The following ARCN1 variants were observed in gnomAD, a reference collection of about 807,000 sequenced individuals.
The protein encoded by ARCN1 is archain 1 coat protein complex I subunit delta.
In ARCN1, 5 loss-of-function variants were observed where a neutral mutation model predicts 60.4. The ratio of observed to expected loss-of-function variants is 0.08; its 90% CI spans 0.04 to 0.17. The LOEUF (loss-of-function observed/expected upper bound fraction) is 0.17. Among genes scored for constraint, ARCN1 ranks in the 10% least tolerant of loss-of-function variants. The pLI is 1.00. For synonymous variants in ARCN1, 224 were observed against 220.0 expected (o/e 1.02, Z -0.16); for missense variants, 464 against 626.5 (o/e 0.74, Z 2.77).
At chr11:118,584,733 TTCTC>T in intron 5 of ARCN1, 89 bp downstream of exon 5, 1 of 1,162,278 alleles carries the variant, frequency 8.6e-7, no homozygotes, top group Non-Finnish European at 1.2e-6. Context: ...TATAAATTCT[TTCTC>T]TGTCTTTTAA....
Position 118,572,505 on chromosome 11 carries a change from C to T in ARCN1, c.-43C>T, listed in dbSNP as rs781975039. 1.4e-5 allele frequency: 22 copies of T among 1,610,084 alleles called. No individual in the cohort carries two copies. The highest frequency in any genetic ancestry group is 1.6e-4 in the Middle Eastern group (1 of 6,070). On this transcript the variant is annotated 5_prime_UTR_variant, in exon 1 of 10. Coordinates refer to ENST00000264028, the MANE Select transcript of ARCN1 (RefSeq NM_001655.5). ...GTTCCCCAGACCCTACCCCTATCCCCAGTGGAGCCGGAGTGCGGGCGCGCC... is the reference window on the plus strand; with the variant it reads ...GTTCCCCAGACCCTACCCCTATCCCTAGTGGAGCCGGAGTGCGGGCGCGCC...
intron 2 of ARCN1, among the ~76,000 whole-genome samples, chr11:118,582,687 C>T (rs1301987329): frequency 1.4e-5 from 2 of 147,764 alleles, no homozygotes; most frequent in African/African-American, 2.5e-5. Flanking sequence ...GATCGTGCCA[C>T]TGCACTCCAG....
At position 118,601,520 on chromosome 11, in the gene ARCN1, T is replaced by C. The variant is rs895026953; in HGVS notation, c.*806T>C. ...CATTCAGTCAGGCACTGGGATCATC[T>C]GTTTACAGGCATTATATTTATTTGG... is the stretch of plus-strand genomic sequence containing the variant. On this transcript the variant is annotated 3_prime_UTR_variant, in exon 10 of 10. Transcript: ENST00000264028. 3.1e-6 allele frequency: 2 copies of C among 641,776 alleles called. No homozygotes were observed. Among genetic ancestry groups the C allele is most frequent in the Non-Finnish European group, 5.6e-6 (2 of 356,868 alleles). 39.8% of individuals were successfully genotyped at this position (641,776 alleles called of 1,614,324 possible).
chr11:118,590,331 C>A lies in ARCN1; in HGVS notation c.819-10C>A, dbSNP rs1938873882. On this transcript the variant is annotated splice_polypyrimidine_tract_variant and intron_variant, in intron 5 of 9. Transcript: ENST00000264028. The stretch of plus-strand genomic sequence containing the variant: ...CCTTTCTGAACAAATGTATTACTTT[C>A]TCTTTATAGTGTACATATGAAGATT... 2 of 1,606,668 alleles carry A rather than the reference C, an allele frequency of 1.2e-6. No individual in the cohort carries two copies. Among genetic ancestry groups the A allele is most frequent in the Non-Finnish European group, 1.7e-6 (2 of 1,174,608 alleles).
intron 5 of ARCN1, among the ~76,000 whole-genome samples, chr11:118,589,636 T>C (rs1938853226): frequency 6.6e-6 from 1 of 152,226 alleles, no homozygotes; most frequent in Non-Finnish European, 1.5e-5. Flanking sequence ...TTAGCCAGGA[T>C]GGTCTCGATC....
intron 1 of ARCN1, among the ~76,000 whole-genome samples, chr11:118,575,411 GGTGT>G (rs56934953): frequency 1.7e-3 from 247 of 149,182 alleles, no homozygotes; most frequent in African/African-American, 5.5e-3. Flanking sequence ...ACTGATAACG[GGTGT>G]GTGTGTGTGT....
At chr11:118,592,438 G>C (rs537178643) in intron 6 of ARCN1, among the ~76,000 whole-genome samples, 1 of 152,248 alleles carries the variant, frequency 6.6e-6, no homozygotes, top group South Asian at 2.1e-4. Context: ...TTGGTTAATA[G>C]TCTTTTAACT....
chr11:118,595,297 C>T (rs567189957), intron 8 of ARCN1, among the ~76,000 whole-genome samples: 100 of 152,326 alleles, frequency 6.6e-4, no homozygotes, highest in Non-Finnish European at 1.6e-4. Flanking sequence ...TTTTCACGTG[C>T]TAGTCTCTAA....
In ARCN1 at chr11:118,581,502, C is replaced by A. The variant is rs886040859; in HGVS notation, c.260C>A (p.Ser87Ter). The change falls in exon 2 of 10, where the codon TCA becomes TAA. Residue 87 changes from serine (S) to a stop codon, truncating the protein, a stop_gained. Transcript: ENST00000264028. LOFTEE classifies it high-confidence loss of function. ...LEDLETLRLF[S>*]RVIPEYCRAL... ...GATTTGGAGACCCTAAGGCTCTTCTCAAGAGTGGTAAGAGTACTGCTATAA... is the reference window on the plus strand; with the variant it reads ...GATTTGGAGACCCTAAGGCTCTTCTAAAGAGTGGTAAGAGTACTGCTATAA... 6.2e-7 allele frequency: 1 copy of A among 1,611,998 alleles called. No homozygotes were observed. Among genetic ancestry groups the A allele is most frequent in the South Asian group, 1.1e-5 (1 of 90,978 alleles).
In ARCN1 at chr11:118,589,984, T is replaced by C. The variant is rs1462321191; in HGVS notation, c.819-357T>C. Reference sequence around the variant, plus strand: ...AAGGGAGTTCTGATTTCTACCTTTCTTTTTTCTTTTCTTTTCTTTTTTATT... The same window carrying C: ...AAGGGAGTTCTGATTTCTACCTTTCCTTTTTCTTTTCTTTTCTTTTTTATT... On this transcript the variant is annotated intron_variant, in intron 5 of 9. Coordinates refer to ENST00000264028, the MANE Select transcript of ARCN1 (RefSeq NM_001655.5). 2.0e-5 allele frequency among the ~76,000 whole-genome samples: 3 copies of C among 152,240 alleles called. No homozygotes were observed. The East Asian group carries it at 5.8e-4, about 29-fold the overall frequency.
intron 1 of ARCN1, among the ~76,000 whole-genome samples, chr11:118,574,559 A>G (rs1938439115): frequency 6.6e-6 from 1 of 152,116 alleles, no homozygotes; most frequent in Non-Finnish European, 1.5e-5. Flanking sequence ...AAAAAAAAAT[A>G]TACATTTCAA....
intron 9 of ARCN1, among the ~76,000 whole-genome samples, chr11:118,599,222 A>G (rs1439917669): frequency 6.6e-6 from 1 of 151,348 alleles, no homozygotes. Flanking sequence ...CCTCCTGAGT[A>G]GCTGGGACTA....
chr11:118,581,635 T>C (rs546954815), intron 2 of ARCN1, 126 bp downstream of exon 2: 21 of 883,216 alleles, frequency 2.4e-5, no homozygotes, highest in South Asian at 7.0e-5. Context: ...CAGCGACTTA[T>C]TGCTGCAGCA....
intron 9 of ARCN1, among the ~76,000 whole-genome samples, chr11:118,598,122 CAAAGT>C (rs1939069499): frequency 1.3e-5 from 2 of 151,974 alleles, no homozygotes; most frequent in Non-Finnish European, 1.5e-5. Flanking sequence ...CTAGATCAGA[CAAAGT>C]AAAGAAATGG....
At chr11:118,577,168 T>C (rs2135533627) in intron 1 of ARCN1, among the ~76,000 whole-genome samples, 1 of 152,174 alleles carries the variant, frequency 6.6e-6, no homozygotes, top group East Asian at 1.9e-4. Flanking sequence ...GCTTGGGCAA[T>C]AGAGCAAGAC....
In ARCN1 at chr11:118,600,847, C is replaced by T. The variant is rs1939131839; in HGVS notation, c.*133C>T. The T allele has an allele frequency of 6.8e-6, 4 of 591,244 alleles. No homozygotes were observed. The highest frequency in any genetic ancestry group is 4.8e-4 in the Middle Eastern group (1 of 2,096). 36.6% of individuals were successfully genotyped at this position (591,244 alleles called of 1,614,324 possible). On this transcript the variant is annotated 3_prime_UTR_variant, in exon 10 of 10. Transcript: ENST00000264028. Reference sequence around the variant, plus strand: ...TTCTGATACAATGCACGATTCTCTGCGCGCAAGGACCCTCGACTCACCCCC... The same window carrying T: ...TTCTGATACAATGCACGATTCTCTGTGCGCAAGGACCCTCGACTCACCCCC...
chr11:118,592,828 C>G lies in ARCN1; in HGVS notation c.1104C>G (p.Thr368=). The G allele has an allele frequency of 6.2e-7, 1 of 1,614,094 alleles. No homozygotes were observed. Among genetic ancestry groups the G allele is most frequent in the African/African-American group, 1.3e-5 (1 of 75,056 alleles). The change falls in exon 7 of 10, where the codon ACC becomes ACG. Residue 368 remains threonine (T), a synonymous_variant. Coordinates refer to ENST00000264028, the MANE Select transcript of ARCN1 (RefSeq NM_001655.5). The stretch of plus-strand genomic sequence containing the variant: ...GGGTGCTAAAGTGGAGACTACAAAC[C>G]ACAGAGGAATCTTTTATTCCACTGA... ...DVGVLKWRLQ[T]TEESFIPLTI...
At chr11:118,572,596 C>T (rs1555072649) in intron 1 of ARCN1, 46 bp downstream of exon 1, 3 of 1,595,654 alleles carry the variant, frequency 1.9e-6, no homozygotes, top group East Asian at 2.3e-5. Flanking sequence ...CGAGCCTCAC[C>T]GTCTCTCCTT....
At chr11:118,582,453 G>C (rs1405054684) in intron 2 of ARCN1, among the ~76,000 whole-genome samples, 5 of 152,044 alleles carry the variant, frequency 3.3e-5, no homozygotes, top group African/African-American at 1.2e-4. Context: ...TCTTGGGCGT[G>C]GTGGCTCACG....
Sources: allele counts gnomAD v4.1 joint callset (sites outside exome capture counted in the v4.1 genomes callset), GRCh38; gene constraint gnomAD v4.1.1; transcripts MANE v1.5; gene names NCBI Gene and HGNC (gene_info 2026-07-23, HGNC 2026-07-21).